The following GRID2 variants were observed in gnomAD, a reference collection of about 807,000 sequenced individuals.
The protein encoded by GRID2 is glutamate ionotropic receptor delta type subunit 2.
In GRID2, 33 loss-of-function variants were observed where a neutral mutation model predicts 114.8. The ratio of observed to expected loss-of-function variants is 0.29; its 90% CI spans 0.22 to 0.38. The LOEUF is 0.38. Among genes scored for constraint, GRID2 ranks in the 10% least tolerant of loss-of-function variants. The pLI, the probability that GRID2 is intolerant of heterozygous loss-of-function variation, is 1.00. For synonymous variants in GRID2, 505 were observed against 449.9 expected, an observed-to-expected ratio of 1.12 and a Z score of -1.55; for missense variants, 1,184 against 1,257.7, an observed-to-expected ratio of 0.94 and a Z score of 0.89.
chr4:93,330,537 AT>A (rs1758312361), intron 8 of GRID2, among the ~76,000 whole-genome samples: 1 of 152,162 alleles, frequency 6.6e-6, no homozygotes, highest in Non-Finnish European at 1.5e-5. Context: ...ACACATATTA[AT>A]TTTTAAAGTA....
chr4:92,911,630 C>A (rs1416469349), intron 2 of GRID2, among the ~76,000 whole-genome samples: 2 of 151,632 alleles, frequency 1.3e-5, no homozygotes, highest in East Asian at 1.9e-4. Flanking sequence ...GCTGGTGTGT[C>A]ATGAAGAAAA....
At chr4:93,134,751 A>T (rs1296349103) in intron 4 of GRID2, among the ~76,000 whole-genome samples, 1 of 152,108 alleles carries the variant, frequency 6.6e-6, no homozygotes, top group East Asian at 1.9e-4. Context: ...TCAGGAATAT[A>T]TTTTTTGCAG....
chr4:93,709,933 C>G (rs1728339971), intron 14 of GRID2, among the ~76,000 whole-genome samples: 2 of 152,078 alleles, frequency 1.3e-5, no homozygotes, highest in Non-Finnish European at 2.9e-5. Context: ...ATTTTAATCT[C>G]TTTGTTAAAT....
At chr4:92,351,467 A>T (rs9997747) in intron 1 of GRID2, among the ~76,000 whole-genome samples, 7,416 of 151,946 alleles carry the variant, frequency 0.049, 540 homozygotes, top group African/African-American at 0.16. Context: ...GGTAATTAGC[A>T]TAACCATCAC....
chr4:92,659,929 G>T (rs921032924), intron 2 of GRID2, among the ~76,000 whole-genome samples: 3 of 151,412 alleles, frequency 2.0e-5, no homozygotes, highest in Non-Finnish European at 4.4e-5. Flanking sequence ...CTGTTAGATA[G>T]ATGCACATCC....
chr4:92,653,821 A>T (rs1056483882), intron 2 of GRID2, among the ~76,000 whole-genome samples: 1 of 152,140 alleles, frequency 6.6e-6, no homozygotes, highest in African/African-American at 2.4e-5. Flanking sequence ...CAAGCATATT[A>T]TGAAAGCTGC....
intron 2 of GRID2, among the ~76,000 whole-genome samples, chr4:92,722,059 A>G (rs1380398315): frequency 6.6e-6 from 1 of 152,140 alleles, no homozygotes; most frequent in Non-Finnish European, 1.5e-5. Flanking sequence ...TGATCAAAAG[A>G]TTCATAGAGA....
chr4:93,346,360 C>A (rs1281644717), intron 8 of GRID2, among the ~76,000 whole-genome samples: 1 of 152,072 alleles, frequency 6.6e-6, no homozygotes, highest in Non-Finnish European at 1.5e-5. Flanking sequence ...GAAATGAGAA[C>A]AAATAGGACT....
intron 1 of GRID2, among the ~76,000 whole-genome samples, chr4:92,449,703 A>ATATG (rs1016834785): frequency 3.5e-5 from 5 of 140,894 alleles, no homozygotes; most frequent in African/African-American, 1.3e-4. Flanking sequence ...ATATATATAT[A>ATATG]TATATATAAC....
At chr4:93,635,777 A>T (rs948548137) in intron 14 of GRID2, among the ~76,000 whole-genome samples, 3 of 152,150 alleles carry the variant, frequency 2.0e-5, no homozygotes, top group African/African-American at 2.4e-5. Context: ...CATTTATTTT[A>T]GAGTTTAGTC....
chr4:92,373,940 G>C (rs1729234548), intron 1 of GRID2, among the ~76,000 whole-genome samples: 2 of 152,230 alleles, frequency 1.3e-5, no homozygotes, highest in African/African-American at 4.8e-5. Flanking sequence ...AACTCAGGAA[G>C]TCTGGCTGTA....
At chr4:93,049,714 T>A (rs960012957) in intron 2 of GRID2, among the ~76,000 whole-genome samples, 4 of 152,012 alleles carry the variant, frequency 2.6e-5, no homozygotes, top group Non-Finnish European at 4.4e-5. Flanking sequence ...AAAAATATTT[T>A]TCTTCCAATT....
chr4:93,070,310 T>C (rs1728699901), intron 2 of GRID2, among the ~76,000 whole-genome samples: 1 of 152,062 alleles, frequency 6.6e-6, no homozygotes, highest in Non-Finnish European at 1.5e-5. Context: ...CACTGTTCCA[T>C]AGCTTTGTAA....
intron 13 of GRID2, among the ~76,000 whole-genome samples, chr4:93,615,384 A>C (rs945477924): frequency 1.3e-5 from 2 of 152,206 alleles, no homozygotes; most frequent in Non-Finnish European, 2.9e-5. Context: ...AAAGCACAAG[A>C]GTAATTTGAA....
intron 14 of GRID2, among the ~76,000 whole-genome samples, chr4:93,735,307 A>G (rs1730831323): frequency 6.6e-6 from 1 of 152,048 alleles, no homozygotes; most frequent in South Asian, 2.1e-4. Context: ...GGCCTTGGTT[A>G]TTCAAAAAGG....
chr4:92,649,184 G>A (rs1048211608), intron 2 of GRID2, among the ~76,000 whole-genome samples: 2 of 138,860 alleles, frequency 1.4e-5, no homozygotes, highest in African/African-American at 2.8e-5. Flanking sequence ...AAGAGGTAAC[G>A]GGAGAGAGGG....
chr4:93,804,228 T>C (rs1184974254), intron 1 of GRID2, among the ~76,000 whole-genome samples: 1 of 152,164 alleles, frequency 6.6e-6, no homozygotes, highest in Non-Finnish European at 1.5e-5. Flanking sequence ...CATTATAATA[T>C]ACCAGGTAAG....
chr4:93,116,586 C>A (rs1178409596), intron 4 of GRID2, among the ~76,000 whole-genome samples: 1 of 152,084 alleles, frequency 6.6e-6, no homozygotes, highest in African/African-American at 2.4e-5. Flanking sequence ...TGACTGCACC[C>A]TTTCCTCCCA....
At chr4:92,413,692 T>A (rs766735786) in intron 1 of GRID2, among the ~76,000 whole-genome samples, 28 of 152,156 alleles carry the variant, frequency 1.8e-4, no homozygotes, top group Non-Finnish European at 3.5e-4. Flanking sequence ...TGTAATTCTG[T>A]AAAATGAAAG....
Sources: gnomAD v4.1 joint callset for allele counts (sites outside exome capture counted in the v4.1 genomes callset) on GRCh38, gnomAD v4.1.1 for gene constraint, MANE v1.5 for transcripts, NCBI Gene and HGNC (gene_info 2026-07-23, HGNC 2026-07-21) for gene names.